Variants in COQ3 observed in about 807,000 individuals in gnomAD.
COQ3 encodes the protein ubiquinone biosynthesis O-methyltransferase, mitochondrial.
Under a neutral mutation model 33.1 loss-of-function variants are expected in COQ3, and 29 were observed. The ratio of observed to expected loss-of-function variants is 0.88; its 90% confidence interval spans 0.65 to 1.19. The LOEUF (loss-of-function observed/expected upper bound fraction) is 1.19. Among genes scored for constraint, COQ3 ranks in the 50% most tolerant of loss-of-function variants. COQ3 has a pLI of 0.00. For missense variants in COQ3, 437 were observed against 430.7 expected (o/e 1.01, Z -0.13); for synonymous variants, 173 against 157.8 (o/e 1.10, Z -0.72).
chr6:99,383,429 A>C (rs1371235459), intron 2 of COQ3, among the ~76,000 whole-genome samples: 1 of 152,258 alleles, frequency 6.6e-6, no homozygotes, highest in Non-Finnish European at 1.5e-5. Context: ...TAATAGCCTT[A>C]TATTGAAAAC....
chr6:99,369,822 TG>T lies in COQ3; in HGVS notation c.890-3del. On this transcript the variant is annotated splice_polypyrimidine_tract_variant and splice_region_variant and intron_variant, in intron 6 of 6. Coordinates refer to ENST00000254759, the MANE Select transcript of COQ3 (RefSeq NM_017421.4). ...CCACTGTTTGAACTGACAGACCATCTGAAAAAAAAAAAAATCAGAAAGAGTA... is the reference window on the plus strand; with the variant it reads ...CCACTGTTTGAACTGACAGACCATCTAAAAAAAAAAAAATCAGAAAGAGTA... 2 of 1,521,922 alleles carry T rather than the reference TG, an allele frequency of 1.3e-6. No individual in the cohort carries two copies. Among genetic ancestry groups the T allele is most frequent in the African/African-American group, 1.4e-5 (1 of 70,406 alleles). 94.3% of individuals were successfully genotyped at this position (1,521,922 alleles called of 1,614,324 possible).
chr6:99,393,803 G>A (rs1279267620), intron 1 of COQ3, among the ~76,000 whole-genome samples: 1 of 152,224 alleles, frequency 6.6e-6, no homozygotes, highest in Non-Finnish European at 1.5e-5. Context: ...CGGGTCGCCG[G>A]CTCCTGGGGC....
intron 2 of COQ3, among the ~76,000 whole-genome samples, chr6:99,380,646 G>A (rs776137390): frequency 3.9e-5 from 6 of 152,094 alleles, no homozygotes; most frequent in Non-Finnish European, 8.8e-5. Flanking sequence ...CTGGCAGGGT[G>A]CAGTGGCTCA....
intron 1 of COQ3, among the ~76,000 whole-genome samples, chr6:99,393,686 G>A (rs1376985097): frequency 6.6e-6 from 1 of 152,190 alleles, no homozygotes; most frequent in Non-Finnish European, 1.5e-5. Flanking sequence ...AGCAAGCTTT[G>A]TGCAAACAAA....
intron 2 of COQ3, 88 bp downstream of exon 2, chr6:99,383,598 CACATGGACTATT>C (rs1774531833): frequency 8.5e-6 from 7 of 825,522 alleles, no homozygotes; most frequent in Non-Finnish European, 1.3e-5. Flanking sequence ...TTAATCAAGA[CACATGGACTATT>C]ACATACTGAC....
intron 4 of COQ3, among the ~76,000 whole-genome samples, 156 bp downstream of exon 4, chr6:99,377,230 G>A (rs975590977): frequency 2.0e-5 from 3 of 151,700 alleles, no homozygotes; most frequent in East Asian, 3.9e-4. Flanking sequence ...GGCTGGTCTC[G>A]ATCTCCAGAC....
chr6:99,393,931 A>G, intron 1 of COQ3, 143 bp downstream of exon 1: 1 of 639,098 alleles, frequency 1.6e-6, no homozygotes, highest in Non-Finnish European at 2.7e-6. Context: ...ATGGAGAGAG[A>G]TGGGGCCAGG....
At chr6:99,380,557 T>C (rs1213816859) in intron 2 of COQ3, among the ~76,000 whole-genome samples, 1 of 152,146 alleles carries the variant, frequency 6.6e-6, no homozygotes, top group African/African-American at 2.4e-5. Context: ...TTCAAGTAAG[T>C]TTCAATTCAA....
At chr6:99,378,140 A>ATATAT (rs1347158500) in intron 3 of COQ3, among the ~76,000 whole-genome samples, 1 of 24,068 alleles carries the variant, frequency 4.2e-5, no homozygotes, top group Non-Finnish European at 2.2e-4. Context: ...ATATATATAT[A>ATATAT]TATATATATA....
At chr6:99,369,901 T>C in intron 6 of COQ3, 81 bp from the exon 7 acceptor site, 1 of 918,074 alleles carries the variant, frequency 1.1e-6, no homozygotes, top group Non-Finnish European at 1.7e-6. Flanking sequence ...CAACTTTCTA[T>C]ATTAAAAATG....
chr6:99,388,815 T>C lies in COQ3; in HGVS notation c.107-4991A>G, dbSNP rs548306072. Reference sequence around the variant, plus strand: ...GTGAGCCAAGATCGCACCATTACACTCCAGTATGGGTGACAAGAGCGAAAC... The same window carrying C: ...GTGAGCCAAGATCGCACCATTACACCCCAGTATGGGTGACAAGAGCGAAAC... On this transcript the variant is annotated intron_variant, in intron 1 of 6. Transcript: ENST00000254759. 1.8e-3 allele frequency among the ~76,000 whole-genome samples: 266 copies of C among 151,582 alleles called. 1 individual carries two copies. The highest frequency in any genetic ancestry group is 6.2e-3 in the African/African-American group (256 of 41,288).
chr6:99,380,671 G>A (rs1166550072), intron 2 of COQ3, among the ~76,000 whole-genome samples: 1 of 152,064 alleles, frequency 6.6e-6, no homozygotes, highest in African/African-American at 2.4e-5. Flanking sequence ...TGTAATCCCA[G>A]CACTTTGGGA....
At chr6:99,387,476 C>T (rs967838954) in intron 1 of COQ3, among the ~76,000 whole-genome samples, 1 of 151,986 alleles carries the variant, frequency 6.6e-6, no homozygotes, top group African/African-American at 2.4e-5. Context: ...AAACCAAAAA[C>T]CAAAACAAAA....
intron 1 of COQ3, among the ~76,000 whole-genome samples, chr6:99,392,283 AATG>A (rs1774853160): frequency 6.6e-6 from 1 of 152,218 alleles, no homozygotes; most frequent in Non-Finnish European, 1.5e-5. Context: ...TATTTCCAGC[AATG>A]ATAATTTACT....
rs1056251459 is a variant in COQ3 at position 99,394,079 on chromosome 6, G to C, written c.101C>G (p.Ser34Trp). The change falls in exon 1 of 7, where the codon TCG (serine) becomes TGG (tryptophan). Residue 34 changes from serine to tryptophan, a missense_variant. Coordinates refer to ENST00000254759, the MANE Select transcript of COQ3 (RefSeq NM_017421.4). ...NTKAARPLISSAVYVKNQLSG... is the reference protein window; with the variant it reads ...NTKAARPLISWAVYVKNQLSG... ...ACCTCCGCACACACACTCACCCGCCGAGGAAATTAAGGGACGCGCAGCTTT... is the reference window on the plus strand; with the variant it reads ...ACCTCCGCACACACACTCACCCGCCCAGGAAATTAAGGGACGCGCAGCTTT... 1 of 1,613,392 alleles carries C rather than the reference G, an allele frequency of 6.2e-7. No individual in the cohort carries two copies. The highest frequency in any genetic ancestry group is 2.2e-5 in the East Asian group (1 of 44,844).
chr6:99,384,600 G>A (rs1480966685), intron 1 of COQ3, among the ~76,000 whole-genome samples: 1 of 152,116 alleles, frequency 6.6e-6, no homozygotes, highest in Non-Finnish European at 1.5e-5. Flanking sequence ...AAATGTATGT[G>A]TATATATAAA....
intron 5 of COQ3, among the ~76,000 whole-genome samples, chr6:99,372,852 CA>C (rs1562201410): frequency 6.6e-6 from 1 of 151,684 alleles, no homozygotes; most frequent in Non-Finnish European, 1.5e-5. Context: ...AGATTCCCTC[CA>C]AAATAATCAT....
chr6:99,371,342 G>A lies in COQ3; in HGVS notation c.889+86C>T, dbSNP rs901299759. 3 of 835,942 alleles carry A rather than the reference G, an allele frequency of 3.6e-6. No homozygotes were observed. In the African/African-American group the frequency reaches 5.3e-5, roughly 15 times the overall value. The allele number at this position is 835,942 out of a possible 1,614,324, so 51.8% of individuals were successfully genotyped here. A position where few individuals can be genotyped will look rare whatever the true frequency, so the allele number is the denominator to read the frequency against. The stretch of plus-strand genomic sequence containing the variant: ...AAAACATAGTGGCCTATTTTATTAA[G>A]TGCTAGGCTAAGTGCGTAATAATTA... On this transcript the variant is annotated intron_variant, in intron 6 of 6. Coordinates refer to ENST00000254759, the MANE Select transcript of COQ3 (RefSeq NM_017421.4).
intron 6 of COQ3, among the ~76,000 whole-genome samples, chr6:99,370,773 A>T (rs1774122924): frequency 6.6e-6 from 1 of 152,208 alleles, no homozygotes; most frequent in Non-Finnish European, 1.5e-5. Flanking sequence ...AAGCATTAGA[A>T]ATATAGGAGT....
Sources: allele counts gnomAD v4.1 joint callset (sites outside exome capture counted in the v4.1 genomes callset), GRCh38; gene constraint gnomAD v4.1.1; transcripts MANE v1.5; gene names NCBI Gene and HGNC (gene_info 2026-07-23, HGNC 2026-07-21).